Variants in KCNQ1 observed in about 807,000 individuals in gnomAD.
The protein encoded by KCNQ1 is potassium voltage-gated channel subfamily Q member 1, also known as potassium voltage-gated channel subfamily KQT member 1.
KCNQ1 carries 49 observed loss-of-function variants against 72.4 expected under a neutral mutation model. The observed-to-expected ratio is 0.68, with a 90% CI of 0.54 to 0.86. The LOEUF is 0.86. KCNQ1 is among the 40% of genes least tolerant of loss of function. The pLI is 0.00. For synonymous variants in KCNQ1, 450 were observed against 412.6 expected (o/e 1.09, Z -1.10); for missense variants, 790 against 945.1 (o/e 0.84, Z 2.15).
chr11:2,658,247 G>A lies in KCNQ1; in HGVS notation c.1394-3714G>A, dbSNP rs527256917. The A allele has an allele frequency of 2.3e-4, 92 of 398,460 alleles. 2 individuals are homozygous for A. In the South Asian group the frequency reaches 6.1e-3, roughly 26 times the overall value. 24.7% of individuals were successfully genotyped at this position (398,460 alleles called of 1,614,324 possible). A position where few individuals can be genotyped will look rare whatever the true frequency, so the allele number is the denominator to read the frequency against. ...TCGTTTTCCTGCAGCAAATATTACC[G>A]TGATGTACTTCTATTTTCCTCATTC... On this transcript the variant is annotated intron_variant, in intron 10 of 15. Coordinates refer to ENST00000155840, the MANE Select transcript of KCNQ1 (RefSeq NM_000218.3). This position sits in a 1 kb window ranked among gnomAD's most constrained non-coding sequence, Gnocchi z 4.9.
intron 10 of KCNQ1, among the ~76,000 whole-genome samples, chr11:2,589,426 G>A (rs1589969977): frequency 6.6e-6 from 1 of 152,232 alleles, no homozygotes; most frequent in African/African-American, 2.4e-5. Flanking sequence ...CCTTCTGCGG[G>A]ACCTGACGAT....
intron 6 of KCNQ1, among the ~76,000 whole-genome samples, chr11:2,580,249 C>T (rs1353297727): frequency 1.3e-5 from 2 of 151,972 alleles, no homozygotes; most frequent in East Asian, 2.0e-4. Flanking sequence ...GGTTTGTCCT[C>T]GGCTGCCTCG....
Position 2,813,198 on chromosome 11 carries a change from G to A in KCNQ1, c.1795-34569G>A, listed in dbSNP as rs1241684514. 6.6e-6 allele frequency among the ~76,000 whole-genome samples: 1 copy of A among 152,180 alleles called. No homozygotes were observed. Among genetic ancestry groups the A allele is most frequent in the Non-Finnish European group, 1.5e-5 (1 of 68,032 alleles). On this transcript the variant is annotated intron_variant, in intron 15 of 15. Coordinates refer to ENST00000155840, the MANE Select transcript of KCNQ1 (RefSeq NM_000218.3). This position sits in a 1 kb window ranked among gnomAD's most constrained non-coding sequence, Gnocchi z 4.4. ...CATGAGTCACCTGTCAAACTGAGGGGCTGGCAGAGCTGGAGGGAGTTCCAT... is the reference window on the plus strand; with the variant it reads ...CATGAGTCACCTGTCAAACTGAGGGACTGGCAGAGCTGGAGGGAGTTCCAT...
rs760572929 is a variant in KCNQ1 at position 2,762,578 on chromosome 11, CATAG to C, written c.1515-6264_1515-6261del. Among the ~76,000 whole-genome samples the C allele has an allele frequency of 3.3e-5, 5 of 152,310 alleles. No homozygotes were observed. The highest frequency in any genetic ancestry group is 4.8e-5 in the African/African-American group (2 of 41,562). ...CCCAGGCCACAGACCGGTACCCATCCATAGACTGTTAGGAACAGGACCGTGCAGC... is the reference window on the plus strand; with the variant it reads ...CCCAGGCCACAGACCGGTACCCATCCACTGTTAGGAACAGGACCGTGCAGC... On this transcript the variant is annotated intron_variant, in intron 11 of 15. Transcript: ENST00000155840. The surrounding 1 kb of genome is among the most constrained non-coding windows in gnomAD (Gnocchi z 4.3).
chr11:2,614,977 C>T, intron 10 of KCNQ1: 1 of 398,396 alleles, frequency 2.5e-6, no homozygotes, highest in Non-Finnish European at 4.4e-6. Context: ...CTGTAGATCA[C>T]TGGGTAATAT....
At chr11:2,619,872 T>G (rs2133802292) in intron 10 of KCNQ1, 1 of 398,558 alleles carries the variant, frequency 2.5e-6, no homozygotes, top group Non-Finnish European at 4.4e-6. Flanking sequence ...CTTTTATTTT[T>G]GATTTAGAGG....
rs1847942497 is a variant in KCNQ1 at position 2,549,154 on chromosome 11, G to A, written c.477+21136G>A. 3.3e-5 allele frequency among the ~76,000 whole-genome samples: 5 copies of A among 152,304 alleles called. No individual in the cohort carries two copies. The South Asian group carries it at 1.0e-3, about 32-fold the overall frequency. On this transcript the variant is annotated intron_variant, in intron 2 of 15. Transcript: ENST00000155840. This position sits in a 1 kb window ranked among gnomAD's most constrained non-coding sequence, Gnocchi z 6.2. ...CTGAGAAGCCAGGCTAGGGGGTTGT[G>A]GAGCAAATGATGATGTCTCAACCAT...
At chr11:2,799,642 G>A (rs768127555) in intron 15 of KCNQ1, among the ~76,000 whole-genome samples, 20 of 152,184 alleles carry the variant, frequency 1.3e-4, no homozygotes, top group South Asian at 2.1e-4. Context: ...TCGTGCACTC[G>A]GTGTCCAGGG....
In KCNQ1 at chr11:2,543,721, A is replaced by G. The variant is rs1847860552; in HGVS notation, c.477+15703A>G. Among the ~76,000 whole-genome samples the G allele has an allele frequency of 6.6e-6, 1 of 152,220 alleles. No individual in the cohort carries two copies. Among genetic ancestry groups the G allele is most frequent in the South Asian group, 2.1e-4 (1 of 4,836 alleles). ...ACTAAGATTTTCTGCTAGTAGTTTT[A>G]TAATTTTTGTGCTTACCTTTAGGCC... On this transcript the variant is annotated intron_variant, in intron 2 of 15. Transcript: ENST00000155840. The surrounding 1 kb of genome is among the most constrained non-coding windows in gnomAD (Gnocchi z 5.6).
chr11:2,791,937 C>A (rs879626749), intron 15 of KCNQ1, among the ~76,000 whole-genome samples: 1 of 152,222 alleles, frequency 6.6e-6, no homozygotes, highest in Non-Finnish European at 1.5e-5. Context: ...TACTTTGCCG[C>A]GCGAACAGCC....
rs2133975353 is a variant in KCNQ1 at position 2,762,681 on chromosome 11, T to G, written c.1515-6163T>G. ...CTGTCAGATCAGTGGTGGCATTAGA[T>G]TCTCGCAGGAGCGCGAACCCTGTTG... On this transcript the variant is annotated intron_variant, in intron 11 of 15. Transcript: ENST00000155840. The surrounding 1 kb of genome is among the most constrained non-coding windows in gnomAD (Gnocchi z 4.3). 6.6e-6 allele frequency among the ~76,000 whole-genome samples: 1 copy of G among 152,332 alleles called. No individual in the cohort carries two copies. Among genetic ancestry groups the G allele is most frequent in the African/African-American group, 2.4e-5 (1 of 41,566 alleles).
intron 11 of KCNQ1, among the ~76,000 whole-genome samples, chr11:2,706,018 G>A (rs1486241268): frequency 3.9e-5 from 6 of 152,204 alleles, no homozygotes; most frequent in African/African-American, 1.2e-4. Flanking sequence ...GGCAGGCTCA[G>A]AAGATGGATG....
rs753955329 is a variant in KCNQ1 at position 2,750,778 on chromosome 11, T to C, written c.1515-18066T>C. ...AAATGGGATCCCCTGGCTCTTTCAC[T>C]GAAAACACTTTTCTTGTTTTCTTTC... On this transcript the variant is annotated intron_variant, in intron 11 of 15. Transcript: ENST00000155840. The surrounding 1 kb of genome is among the most constrained non-coding windows in gnomAD (Gnocchi z 6.3). Among the ~76,000 whole-genome samples the C allele has an allele frequency of 8.5e-5, 13 of 152,216 alleles. No homozygotes were observed. The highest frequency in any genetic ancestry group is 1.9e-4 in the Non-Finnish European group (13 of 68,038).
Position 2,808,905 on chromosome 11 carries a change from A to G in KCNQ1, c.1794+30868A>G, listed in dbSNP as rs779713680. On this transcript the variant is annotated intron_variant, in intron 15 of 15. Transcript: ENST00000155840. This position sits in a 1 kb window ranked among gnomAD's most constrained non-coding sequence, Gnocchi z 6.0. ...GAACACATGGACAATGGGTGGGTAGATGGGTGAATAGATGGGTGGACAGAT... is the reference window on the plus strand; with the variant it reads ...GAACACATGGACAATGGGTGGGTAGGTGGGTGAATAGATGGGTGGACAGAT... Among the ~76,000 whole-genome samples, 1 of 151,890 alleles carries G rather than the reference A, an allele frequency of 6.6e-6. No individual in the cohort carries two copies. The highest frequency in any genetic ancestry group is 1.5e-5 in the Non-Finnish European group (1 of 67,982).
At position 2,658,965 on chromosome 11, in the gene KCNQ1, CAT is replaced by C. The variant is rs1849901429; in HGVS notation, c.1394-2994_1394-2993del. ...GTTTAGGACAGACTTTTGCTTTAAC[CAT>C]AGAGTGTCCAGTCAAAACAGTGTTT... On this transcript the variant is annotated intron_variant, in intron 10 of 15. Transcript: ENST00000155840. The surrounding 1 kb of genome is among the most constrained non-coding windows in gnomAD (Gnocchi z 4.9). 1 of 398,532 alleles carries C rather than the reference CAT, an allele frequency of 2.5e-6. No individual in the cohort carries two copies. Among genetic ancestry groups the C allele is most frequent in the Non-Finnish European group, 4.4e-6 (1 of 226,022 alleles). 24.7% of individuals were successfully genotyped at this position (398,532 alleles called of 1,614,324 possible).
rs1200461021 is a variant in KCNQ1 at position 2,544,080 on chromosome 11, A to T, written c.477+16062A>T. The stretch of plus-strand genomic sequence containing the variant: ...TGGTTGTTCGGGGTCCTTTGCATTT[A>T]CATATAAATTTTGGAAGCTGCTTAC... On this transcript the variant is annotated intron_variant, in intron 2 of 15. Transcript: ENST00000155840. The surrounding 1 kb of genome is among the most constrained non-coding windows in gnomAD (Gnocchi z 4.4). 1.3e-5 allele frequency among the ~76,000 whole-genome samples: 2 copies of T among 152,084 alleles called. No individual in the cohort carries two copies. Among genetic ancestry groups the T allele is most frequent in the Non-Finnish European group, 2.9e-5 (2 of 68,018 alleles).
At chr11:2,800,621 G>A (rs780023933) in intron 15 of KCNQ1, among the ~76,000 whole-genome samples, 1 of 152,224 alleles carries the variant, frequency 6.6e-6, no homozygotes, top group Non-Finnish European at 1.5e-5. Context: ...GGCCGTGAAG[G>A]TTCCAAGCTT....
chr11:2,610,371 T>G (rs961304273), intron 10 of KCNQ1: 2 of 398,164 alleles, frequency 5.0e-6, no homozygotes, highest in Non-Finnish European at 8.9e-6. Context: ...TGATATATCT[T>G]TAAAGAAGCT....
rs887834965 is a variant in KCNQ1 at position 2,446,196 on chromosome 11, C to A, written c.386+712C>A. Among the ~76,000 whole-genome samples the A allele has an allele frequency of 6.6e-6, 1 of 152,180 alleles. No individual in the cohort carries two copies. Among genetic ancestry groups the A allele is most frequent in the African/African-American group, 2.4e-5 (1 of 41,442 alleles). On this transcript the variant is annotated intron_variant, in intron 1 of 15. Coordinates refer to ENST00000155840, the MANE Select transcript of KCNQ1 (RefSeq NM_000218.3). This position sits in a 1 kb window ranked among gnomAD's most constrained non-coding sequence, Gnocchi z 8.8. ...CAGGTGGTTCCAATTCCCGGTACAG[C>A]GTGCCTGAGCAGGGCTGGGCACTGG...
Sources: gnomAD v4.1 joint callset for allele counts (sites outside exome capture counted in the v4.1 genomes callset) on GRCh38, gnomAD v4.1.1 for gene constraint, Gnocchi (gnomAD v3.1) non-coding constraint, MANE v1.5 for transcripts, NCBI Gene and HGNC (gene_info 2026-07-23, HGNC 2026-07-21) for gene names.